WWOX: variants seen among roughly 807,000 people sequenced by gnomAD.
The protein encoded by WWOX is WW domain-containing oxidoreductase.
A neutral mutation model predicts 46.2 loss-of-function variants in WWOX; 69 were observed. The ratio of observed to expected loss-of-function variants is 1.49; its 90% CI spans 1.23 to 1.82. The LOEUF (loss-of-function observed/expected upper bound fraction) is 1.82. Ranked by LOEUF, WWOX falls within the 40% of genes most tolerant of loss-of-function variation. The pLI is 0.00. For missense variants in WWOX, 919 were observed against 542.6 expected, an observed-to-expected ratio of 1.69 and a Z score of -6.89; for synonymous variants, 359 against 202.6, an observed-to-expected ratio of 1.77 and a Z score of -6.56.
At chr16:78,202,120 A>G (rs2036250089) in intron 5 of WWOX, among the ~76,000 whole-genome samples, 1 of 152,174 alleles carries the variant, frequency 6.6e-6, no homozygotes, top group South Asian at 2.1e-4. Context: ...AAAACCTGCT[A>G]AATAAGGGAA....
intron 8 of WWOX, among the ~76,000 whole-genome samples, chr16:78,986,901 C>A (rs2046794694): frequency 6.6e-6 from 1 of 152,100 alleles, no homozygotes; most frequent in Non-Finnish European, 1.5e-5. Flanking sequence ...CTCCTTTTGA[C>A]TGCAAGGACT....
chr16:78,928,943 T>C (rs2045560926), intron 8 of WWOX, among the ~76,000 whole-genome samples: 1 of 152,340 alleles, frequency 6.6e-6, no homozygotes, highest in South Asian at 2.1e-4. Flanking sequence ...CCCTTTAAGT[T>C]GAGATGCTTG....
At chr16:78,498,591 T>C (rs1567607615) in intron 8 of WWOX, among the ~76,000 whole-genome samples, 1 of 152,046 alleles carries the variant, frequency 6.6e-6, no homozygotes, top group Non-Finnish European at 1.5e-5. Context: ...CACACAAGGA[T>C]TGGGAGATGT....
At chr16:78,488,568 C>G (rs72801921) in intron 8 of WWOX, among the ~76,000 whole-genome samples, 3 of 152,034 alleles carry the variant, frequency 2.0e-5, no homozygotes, top group Non-Finnish European at 4.4e-5. Context: ...CTACCTGGAG[C>G]CTGGGTCCTC....
rs542368479 is a variant in WWOX at position 78,545,803 on chromosome 16, C to T, written c.1056+113051C>T. On this transcript the variant is annotated intron_variant, in intron 8 of 8. Coordinates refer to ENST00000566780, the MANE Select transcript of WWOX (RefSeq NM_016373.4). ...GAGGCCTCTCTCCTTGGCTTGCAGA[C>T]GGCCGCCTTCTTGCTCTGTCCTCAC... Among the ~76,000 whole-genome samples, 8 of 152,276 alleles carry T rather than the reference C, an allele frequency of 5.3e-5. No homozygotes were observed. In the South Asian group the frequency reaches 1.0e-3, roughly 20 times the overall value.
chr16:78,706,262 C>G (rs550805168), intron 8 of WWOX, among the ~76,000 whole-genome samples: 20 of 152,188 alleles, frequency 1.3e-4, no homozygotes, highest in African/African-American at 4.8e-4. Context: ...CCCATATAAA[C>G]TTTGTCTGTC....
intron 6 of WWOX, among the ~76,000 whole-genome samples, chr16:78,392,732 C>G (rs576287785): frequency 4.7e-4 from 72 of 152,256 alleles, no homozygotes; most frequent in African/African-American, 1.7e-3. Flanking sequence ...TTAATGTTTT[C>G]GTAAGAATAC....
chr16:78,866,225 G>A (rs1172986118), intron 8 of WWOX, among the ~76,000 whole-genome samples: 3 of 152,032 alleles, frequency 2.0e-5, no homozygotes, highest in South Asian at 4.2e-4. Flanking sequence ...CCATAGCAGT[G>A]ATATAAATCA....
At chr16:78,711,487 T>A (rs1342064075) in intron 8 of WWOX, among the ~76,000 whole-genome samples, 1 of 152,194 alleles carries the variant, frequency 6.6e-6, no homozygotes, top group African/African-American at 2.4e-5. Context: ...CTAAGAAGAC[T>A]ATCAATTTTA....
chr16:78,988,341 T>A (rs1447421890), intron 8 of WWOX, among the ~76,000 whole-genome samples: 1 of 103,824 alleles, frequency 9.6e-6, no homozygotes, highest in Non-Finnish European at 2.1e-5. Flanking sequence ...CAAAACTCTG[T>A]CTCAAAAAAA....
chr16:79,115,395 T>G (rs2049496007), intron 8 of WWOX, among the ~76,000 whole-genome samples: 1 of 152,066 alleles, frequency 6.6e-6, no homozygotes, highest in African/African-American at 2.4e-5. Flanking sequence ...GGAAAGAAAC[T>G]CGGGGCATGG....
At chr16:79,041,782 T>G (rs1597316346) in intron 8 of WWOX, among the ~76,000 whole-genome samples, 1 of 152,178 alleles carries the variant, frequency 6.6e-6, no homozygotes, top group African/African-American at 2.4e-5. Context: ...GTTTTTTCAT[T>G]CCATACGCTT....
intron 8 of WWOX, among the ~76,000 whole-genome samples, chr16:78,492,933 A>C (rs917826595): frequency 6.6e-6 from 1 of 152,132 alleles, no homozygotes; most frequent in Non-Finnish European, 1.5e-5. Flanking sequence ...ATCACTAATC[A>C]ATCAGTCATG....
chr16:79,032,162 A>C (rs1381354190), intron 8 of WWOX, among the ~76,000 whole-genome samples: 1 of 145,104 alleles, frequency 6.9e-6, no homozygotes, highest in Non-Finnish European at 1.5e-5. Flanking sequence ...GTCTATAAAA[A>C]CTGTTTTCCT....
intron 5 of WWOX, among the ~76,000 whole-genome samples, chr16:78,358,568 G>A (rs1402599790): frequency 6.6e-6 from 1 of 152,168 alleles, no homozygotes; most frequent in Non-Finnish European, 1.5e-5. Context: ...TGAGGACTGA[G>A]AATCGCTTGA....
At chr16:78,839,784 G>T (rs2052089332) in intron 8 of WWOX, among the ~76,000 whole-genome samples, 1 of 152,122 alleles carries the variant, frequency 6.6e-6, no homozygotes, top group African/African-American at 2.4e-5. Flanking sequence ...AATGGGTTAG[G>T]AGAAGGCTTG....
intron 8 of WWOX, among the ~76,000 whole-genome samples, chr16:79,006,420 C>T (rs897868974): frequency 1.3e-5 from 2 of 151,892 alleles, no homozygotes; most frequent in African/African-American, 4.8e-5. Flanking sequence ...CTAACAAGGG[C>T]ATCAGGTGCC....
At chr16:78,572,474 G>A (rs755175429) in intron 8 of WWOX, among the ~76,000 whole-genome samples, 1 of 151,748 alleles carries the variant, frequency 6.6e-6, no homozygotes, top group African/African-American at 2.4e-5. Context: ...TGTGTCTGTG[G>A]TCTCAGGGGT....
chr16:78,445,779 G>C (rs2083544794), intron 8 of WWOX, among the ~76,000 whole-genome samples: 1 of 151,440 alleles, frequency 6.6e-6, no homozygotes, highest in African/African-American at 2.4e-5. Flanking sequence ...TCTAGAGGCT[G>C]AAGCATGAGA....
Sources: allele counts gnomAD v4.1 joint callset (sites outside exome capture counted in the v4.1 genomes callset), GRCh38; gene constraint gnomAD v4.1.1; transcripts MANE v1.5; gene names NCBI Gene and HGNC (gene_info 2026-07-23, HGNC 2026-07-21).